Variants in GUF1 observed in about 807,000 individuals in gnomAD.
GUF1 encodes translation factor GUF1, mitochondrial.
Under a neutral mutation model 82.4 loss-of-function variants are expected in GUF1, and 78 were observed. The ratio of observed to expected loss-of-function variants is 0.95; its 90% CI spans 0.79 to 1.14. GUF1 has a LOEUF of 1.14. GUF1 is among the 50% of genes most tolerant of loss of function. The pLI is 0.00. For missense variants in GUF1, 814 were observed against 798.2 expected (o/e 1.02, Z -0.24); for synonymous variants, 279 against 282.3 (o/e 0.99, Z 0.12).
chr4:44,690,989 C>G (rs1715403487), intron 12 of GUF1, 129 bp downstream of exon 12: 1 of 508,466 alleles, frequency 2.0e-6, no homozygotes, highest in African/African-American at 2.0e-5. Flanking sequence ...ATATATATAT[C>G]TGTCTATATC....
Position 44,681,139 on chromosome 4 carries a change from G to T in GUF1, c.443G>T (p.Ser148Ile), listed in dbSNP as rs150033989. The T allele has an allele frequency of 2.5e-3, 3,970 of 1,613,008 alleles. 7 individuals carry two copies. Among genetic ancestry groups the T allele is most frequent in the Admixed American group, 4.7e-3 (283 of 59,992 alleles). The change falls in exon 4 of 17, where the codon AGT (serine) becomes ATT (isoleucine). Residue 148 changes from serine (S) to isoleucine (I), a missense_variant. Physicochemically the swap from Ser to Ile is moderately radical, Grantham distance 142 (BLOSUM62 -2). Coordinates refer to ENST00000281543, the MANE Select transcript of GUF1 (RefSeq NM_021927.3). ...LIDTPGHVDF[S>I]YEVSRSLSAC... ...GTTTCTCAGGGCCATGTTGATTTTAGTTATGAAGTATCCAGGTCACTTTCT... is the reference window on the plus strand; with the variant it reads ...GTTTCTCAGGGCCATGTTGATTTTATTTATGAAGTATCCAGGTCACTTTCT...
In GUF1 at chr4:44,683,166, C is replaced by T. The variant is rs368594367; in HGVS notation, c.586-69C>T. 51 of 962,176 alleles carry T rather than the reference C, an allele frequency of 5.3e-5. 1 individual carries two copies. Among genetic ancestry groups the T allele is most frequent in the South Asian group, 3.7e-4 (22 of 59,832 alleles). 59.6% of individuals were successfully genotyped at this position (962,176 alleles called of 1,614,324 possible). ...AAGTGGGTAAGCTTTTAATTACCTC[C>T]GAATACTGTTAATACATAATACATC... On this transcript the variant is annotated intron_variant, in intron 5 of 16. Coordinates refer to ENST00000281543, the MANE Select transcript of GUF1 (RefSeq NM_021927.3).
rs1039290531 is a variant in GUF1, at chr4:44,682,477, C to T, written c.585+66C>T. The stretch of plus-strand genomic sequence containing the variant: ...AAAAGTACAATTAATGTTTAAATGT[C>T]AGTTGTACTATTCATTATATGAGGG... On this transcript the variant is annotated intron_variant, in intron 5 of 16. Coordinates refer to ENST00000281543, the MANE Select transcript of GUF1 (RefSeq NM_021927.3). The T allele has an allele frequency of 6.5e-5, 54 of 826,846 alleles. No homozygotes were observed. The Admixed American group carries it at 7.2e-4, about 11-fold the overall frequency. 51.2% of individuals were successfully genotyped at this position (826,846 alleles called of 1,614,324 possible). A position where few individuals can be genotyped will look rare whatever the true frequency, so the allele number is the denominator to read the frequency against.
chr4:44,684,267 T>C (rs1714929131), intron 6 of GUF1, among the ~76,000 whole-genome samples: 1 of 152,114 alleles, frequency 6.6e-6, no homozygotes, highest in African/African-American at 2.4e-5. Context: ...TGACATGGAA[T>C]AACTTAGCAA....
At chr4:44,684,349 G>A (rs559941197) in intron 6 of GUF1, among the ~76,000 whole-genome samples, 39 of 152,222 alleles carry the variant, frequency 2.6e-4, no homozygotes, top group African/African-American at 9.4e-4. Flanking sequence ...AGAGAAAAGA[G>A]CATGTGTAAA....
At chr4:44,693,706 AT>A (rs1715594419) in intron 13 of GUF1, among the ~76,000 whole-genome samples, 1 of 152,006 alleles carries the variant, frequency 6.6e-6, no homozygotes, top group East Asian at 1.9e-4. Flanking sequence ...CCTAATTGAA[AT>A]TTTCTTTAGA....
intron 13 of GUF1, among the ~76,000 whole-genome samples, chr4:44,692,166 G>A (rs1577776773): frequency 6.6e-6 from 1 of 151,918 alleles, no homozygotes; most frequent in East Asian, 1.9e-4. Flanking sequence ...GCAATCTCAA[G>A]AGCATCTATT....
intron 5 of GUF1, 180 bp downstream of exon 5, chr4:44,682,591 G>T: frequency 2.8e-6 from 1 of 352,228 alleles, no homozygotes; most frequent in East Asian, 4.4e-5. Flanking sequence ...CCCTTGCACA[G>T]AATTGAGAAG....
intron 15 of GUF1, among the ~76,000 whole-genome samples, chr4:44,697,181 ATG>A (rs1189263497): frequency 6.6e-6 from 1 of 152,110 alleles, no homozygotes; most frequent in African/African-American, 2.4e-5. Flanking sequence ...TTTTTTCTTA[ATG>A]TGTGTTGATA....
chr4:44,683,889 G>C (rs751048675), intron 6 of GUF1, among the ~76,000 whole-genome samples: 1 of 152,064 alleles, frequency 6.6e-6, no homozygotes, highest in Admixed American at 6.6e-5. Flanking sequence ...GTAGTGTAAA[G>C]TATGTCAGCA....
chr4:44,698,337 T>C lies in GUF1; in HGVS notation c.1873-207T>C, dbSNP rs1715976765. On this transcript the variant is annotated intron_variant, in intron 16 of 16. Coordinates refer to ENST00000281543, the MANE Select transcript of GUF1 (RefSeq NM_021927.3). Reference sequence around the variant, plus strand: ...TGCATATTATTATACTAGGTTTCCTTGGGAATCTTCACCTCCATCCAGATT... The same window carrying C: ...TGCATATTATTATACTAGGTTTCCTCGGGAATCTTCACCTCCATCCAGATT... Among the ~76,000 whole-genome samples, 3 of 152,158 alleles carry C rather than the reference T, an allele frequency of 2.0e-5. No individual in the cohort carries two copies. In the South Asian group the frequency reaches 6.2e-4, roughly 32 times the overall value.
chr4:44,697,406 A>G lies in GUF1; in HGVS notation c.1836-2A>G, dbSNP rs1715896794. On this transcript the variant is annotated splice_acceptor_variant, in intron 15 of 16. Transcript: ENST00000281543. LOFTEE classifies it high-confidence loss of function. ...ACTTAAACGAATTTTTCTCTTTTAC[A>G]GTGTGAAAGCCTATAGGAAAAACGT... 4.5e-6 allele frequency: 7 copies of G among 1,554,240 alleles called. No individual in the cohort carries two copies. The East Asian group carries it at 7.0e-5, about 15-fold the overall frequency.
Position 44,688,104 on chromosome 4 carries a change from C to T in GUF1, c.1036C>T (p.Pro346Ser), listed in dbSNP as rs778753986. 1.9e-6 allele frequency: 3 copies of T among 1,611,846 alleles called. No homozygotes were observed. The highest frequency in any genetic ancestry group is 2.5e-6 in the Non-Finnish European group (3 of 1,178,498). ...ATGTTTACATAAGCAACCAGTGGAG[C>T]CCTTGCCTGGGTTTAAATCAGCGAA... ...TLCLHKQPVEPLPGFKSAKPM... is the reference protein window; with the variant it reads ...TLCLHKQPVESLPGFKSAKPM... The change falls in exon 9 of 17, where the codon CCC (proline) becomes TCC (serine). Residue 346 changes from proline (P) to serine (S), a missense_variant. Pro to Ser is a moderately conservative substitution (Grantham distance 74). Coordinates refer to ENST00000281543, the MANE Select transcript of GUF1 (RefSeq NM_021927.3).
intron 8 of GUF1, among the ~76,000 whole-genome samples, chr4:44,687,197 A>T (rs550630160): frequency 3.9e-5 from 6 of 152,068 alleles, no homozygotes; most frequent in African/African-American, 1.4e-4. Context: ...CTTGTAAAAG[A>T]ACTATTTATT....
chr4:44,697,449 G>T lies in GUF1; in HGVS notation c.1872+5G>T. ...AAAAACGTTTTGGCAAAATGTGTAT[G>T]TATCTAGTTGTATTTATTCTACTTT... On this transcript the variant is annotated splice_donor_5th_base_variant and intron_variant, in intron 16 of 16. Coordinates refer to ENST00000281543, the MANE Select transcript of GUF1 (RefSeq NM_021927.3). 2 of 1,482,546 alleles carry T rather than the reference G, an allele frequency of 1.3e-6. No homozygotes were observed. The highest frequency in any genetic ancestry group is 1.9e-6 in the Non-Finnish European group (2 of 1,074,570). 91.8% of individuals were successfully genotyped at this position (1,482,546 alleles called of 1,614,324 possible). A position where few individuals can be genotyped will look rare whatever the true frequency, so the allele number is the denominator to read the frequency against.
At chr4:44,685,807 C>T (rs1715011983) in intron 6 of GUF1, 152 bp from the exon 7 acceptor site, 1 of 552,688 alleles carries the variant, frequency 1.8e-6, no homozygotes, top group Non-Finnish European at 3.2e-6. Context: ...TGTCAATATA[C>T]TGTTTGCTTT....
chr4:44,686,558 C>T lies in GUF1; in HGVS notation c.783C>T (p.Ser261=). Residue 261 remains serine (S), a synonymous_variant, in exon 8 of 17, where the codon TCC becomes TCT. Transcript: ENST00000281543. The part of the protein sequence containing the change: ...KNPLRALVFD[S]TFDQYRGVIA... The stretch of plus-strand genomic sequence containing the variant: ...CTCTGAGAGCTTTGGTATTTGACTC[C>T]ACCTTTGACCAGTATAGAGGTGTGA... 12 of 1,611,998 alleles carry T rather than the reference C, an allele frequency of 7.4e-6. No individual in the cohort carries two copies. Among genetic ancestry groups the T allele is most frequent in the Non-Finnish European group, 1.0e-5 (12 of 1,178,674 alleles).
At chr4:44,682,560 CAG>C (rs1281828247) in intron 5 of GUF1, 149 bp downstream of exon 5, 1 of 415,748 alleles carries the variant, frequency 2.4e-6, no homozygotes, top group Admixed American at 4.5e-5. Context: ...TTGTATATAA[CAG>C]AAGTGCAACT....
chr4:44,692,168 G>C (rs1034964107), intron 13 of GUF1, among the ~76,000 whole-genome samples: 7 of 151,796 alleles, frequency 4.6e-5, no homozygotes, highest in Non-Finnish European at 8.9e-5. Flanking sequence ...AATCTCAAGA[G>C]CATCTATTTA....
Sources: gnomAD v4.1 joint callset for allele counts (sites outside exome capture counted in the v4.1 genomes callset) on GRCh38, gnomAD v4.1.1 for gene constraint, MANE v1.5 for transcripts, NCBI Gene and HGNC (gene_info 2026-07-23, HGNC 2026-07-21) for gene names.